The following C16orf74 variants were observed in gnomAD, a reference collection of about 807,000 sequenced individuals.
The protein encoded by C16orf74 is uncharacterized protein C16orf74.
A neutral mutation model predicts 6.5 loss-of-function variants in C16orf74; 10 were observed. That is an observed-to-expected ratio of 1.54 (90% CI 0.95 to 2.61). C16orf74 has a LOEUF of 2.61. Ranked by LOEUF, C16orf74 falls within the 30% of genes most tolerant of loss-of-function variation. The pLI is 0.00. For missense variants in C16orf74, 141 were observed against 105.9 expected (o/e 1.33, Z -1.45); for synonymous variants, 60 against 42.5 (o/e 1.41, Z -1.60).
chr16:85,712,335 T>A (rs768126803), intron 2 of C16orf74, among the ~76,000 whole-genome samples: 2 of 152,212 alleles, frequency 1.3e-5, no homozygotes, highest in Non-Finnish European at 2.9e-5. Flanking sequence ...AGGTTTGATG[T>A]TTAAGCCACA....
At chr16:85,750,239 T>C (rs909251909) in intron 1 of C16orf74, among the ~76,000 whole-genome samples, 1 of 152,204 alleles carries the variant, frequency 6.6e-6, no homozygotes, top group Non-Finnish European at 1.5e-5. Context: ...AGATTTTCCC[T>C]TGATTCCATC....
intron 2 of C16orf74, among the ~76,000 whole-genome samples, chr16:85,731,841 C>T (rs1028783240): frequency 6.6e-6 from 1 of 152,164 alleles, no homozygotes; most frequent in Non-Finnish European, 1.5e-5. Context: ...GCATGAAATG[C>T]CACCATTCCC....
chr16:85,707,715 C>A lies in C16orf74; in HGVS notation c.*293G>T, dbSNP rs928449193. On this transcript the variant is annotated 3_prime_UTR_variant, in exon 4 of 4. Transcript: ENST00000284245. ...TGTGTTTGTCCAGAAGAGAGCCTCTCCCTGGGACCCCAACAGCCAGGACCA... is the reference window on the plus strand; with the variant it reads ...TGTGTTTGTCCAGAAGAGAGCCTCTACCTGGGACCCCAACAGCCAGGACCA... The A allele has an allele frequency of 6.8e-6, 3 of 443,624 alleles. No individual in the cohort carries two copies. Among genetic ancestry groups the A allele is most frequent in the Non-Finnish European group, 1.2e-5 (3 of 247,406 alleles). The allele number at this position is 443,624 out of a possible 1,614,324, so 27.5% of individuals were successfully genotyped here. A position where few individuals can be genotyped will look rare whatever the true frequency, so the allele number is the denominator to read the frequency against.
chr16:85,720,614 A>T (rs897569303), intron 2 of C16orf74, among the ~76,000 whole-genome samples: 2 of 151,748 alleles, frequency 1.3e-5, no homozygotes, highest in East Asian at 1.9e-4. Context: ...CTCTAAAAAA[A>T]TTTTTTTTTA....
chr16:85,710,254 G>C lies in C16orf74; in HGVS notation c.82C>G (p.Leu28Val), dbSNP rs906204885. The change falls in exon 3 of 4, where the codon CTG becomes GTG. Residue 28 changes from leucine (L) to valine (V), a missense_variant. Transcript: ENST00000284245. ...SSSSHDEAPV[L>V]NDKHLDVPDI... ...GGCACGTCCAGGTGCTTGTCGTTCA[G>C]GACGGGGGCCTCGTCGTGGCTGCTG... 11 of 1,514,612 alleles carry C rather than the reference G, an allele frequency of 7.3e-6. No individual in the cohort carries two copies. The highest frequency in any genetic ancestry group is 8.7e-6 in the Non-Finnish European group (10 of 1,143,116). The allele number at this position is 1,514,612 out of a possible 1,614,324, so 93.8% of individuals were successfully genotyped here.
intron 1 of C16orf74, among the ~76,000 whole-genome samples, chr16:85,750,495 G>C (rs913283854): frequency 1.3e-5 from 2 of 152,156 alleles, no homozygotes; most frequent in African/African-American, 4.8e-5. Context: ...ATAAATAATA[G>C]ATTTGGAAAT....
intron 2 of C16orf74, among the ~76,000 whole-genome samples, chr16:85,717,162 C>A (rs1001448103): frequency 1.3e-5 from 2 of 152,234 alleles, no homozygotes; most frequent in Admixed American, 1.3e-4. Context: ...AGAACCCAGG[C>A]CCCTGGAGCT....
intron 2 of C16orf74, among the ~76,000 whole-genome samples, chr16:85,734,070 T>A (rs1439004149): frequency 6.6e-6 from 1 of 152,218 alleles, no homozygotes; most frequent in Non-Finnish European, 1.5e-5. Context: ...ACTTTTCCTG[T>A]GGGCTCCCCT....
At chr16:85,739,942 G>T (rs1359576254) in intron 1 of C16orf74, among the ~76,000 whole-genome samples, 3 of 152,006 alleles carry the variant, frequency 2.0e-5, no homozygotes, top group African/African-American at 7.3e-5. Flanking sequence ...GGGCGCAGTG[G>T]CTCATGCCTG....
At position 85,732,665 on chromosome 16, in the gene C16orf74, C is replaced by CAAAAAA. The variant is rs66539936; in HGVS notation, c.28+2519_28+2524dup. Among the ~76,000 whole-genome samples the CAAAAAA allele has an allele frequency of 5.6e-3, 245 of 43,848 alleles. 6 individuals are homozygous for CAAAAAA. Among genetic ancestry groups the CAAAAAA allele is most frequent in the African/African-American group, 0.011 (157 of 14,020 alleles). The allele number at this position is 43,848 out of a possible 152,430, so 28.8% of individuals were successfully genotyped here. On this transcript the variant is annotated intron_variant, in intron 2 of 3. Transcript: ENST00000284245. ...TGGGTGACAGAGCGAGACTCTGTCT[C>CAAAAAA]AAAAAAAAAAAAAAAAAAAAAAAAG...
chr16:85,713,699 CT>C (rs2053991717), intron 2 of C16orf74, among the ~76,000 whole-genome samples: 2 of 152,226 alleles, frequency 1.3e-5, no homozygotes, highest in Non-Finnish European at 2.9e-5. Flanking sequence ...TTCTGAGGCC[CT>C]GGGGGCGAGG....
At chr16:85,750,873 G>A (rs937190972) in intron 1 of C16orf74, 53 bp downstream of exon 1, 1 of 151,880 alleles carries the variant, frequency 6.6e-6, no homozygotes, top group Non-Finnish European at 1.5e-5. Context: ...GTTGCTCGGG[G>A]AAGGCGGGCG....
intron 2 of C16orf74, among the ~76,000 whole-genome samples, chr16:85,724,441 C>T (rs2054112823): frequency 6.6e-6 from 1 of 152,206 alleles, no homozygotes; most frequent in Non-Finnish European, 1.5e-5. Flanking sequence ...AGGGATCCAG[C>T]TCGGCCATAC....
chr16:85,747,501 A>G (rs1469466877), intron 1 of C16orf74, among the ~76,000 whole-genome samples: 2 of 152,106 alleles, frequency 1.3e-5, no homozygotes, highest in African/African-American at 4.8e-5. Context: ...GGCTACCCAT[A>G]GGGAAACCAT....
chr16:85,736,078 T>C (rs1440739128), intron 1 of C16orf74, among the ~76,000 whole-genome samples: 2 of 151,962 alleles, frequency 1.3e-5, no homozygotes, highest in Non-Finnish European at 2.9e-5. Flanking sequence ...GGGCCTGTAG[T>C]GTGCAGAGAT....
At chr16:85,709,049 A>C (rs563885691) in intron 3 of C16orf74, among the ~76,000 whole-genome samples, 18 of 152,320 alleles carry the variant, frequency 1.2e-4, no homozygotes, top group African/African-American at 3.4e-4. Context: ...AGCCTCTCTC[A>C]ACCTTAGTTT....
chr16:85,716,986 C>T lies in C16orf74; in HGVS notation c.29-6679G>A, dbSNP rs891490123. 3.3e-5 allele frequency among the ~76,000 whole-genome samples: 5 copies of T among 152,318 alleles called. No individual in the cohort carries two copies. In the East Asian group the frequency reaches 9.6e-4, roughly 29 times the overall value. On this transcript the variant is annotated intron_variant, in intron 2 of 3. Coordinates refer to ENST00000284245, the MANE Select transcript of C16orf74 (RefSeq NM_206967.3). ...GGATTCCAGAAGGAAGGGAGCAGAT[C>T]CCAGGGACCCAGGCCCGTCCCAAGG...
rs150972808 is a variant in C16orf74 at position 85,749,470 on chromosome 16, G to T, written c.-19+1456C>A. 4.2e-3 allele frequency among the ~76,000 whole-genome samples: 640 copies of T among 151,468 alleles called. 2 individuals carry two copies. The highest frequency in any genetic ancestry group is 7.8e-3 in the Non-Finnish European group (530 of 67,792). On this transcript the variant is annotated intron_variant, in intron 1 of 3. Transcript: ENST00000284245. ...GCTCATTAAAAAATTTTTAGTAGCT[G>T]GGGGGACTCACTGTGTTGCCCAGGC...
intron 1 of C16orf74, among the ~76,000 whole-genome samples, chr16:85,748,188 A>C (rs1353013602): frequency 6.6e-6 from 1 of 151,360 alleles, no homozygotes; most frequent in Non-Finnish European, 1.5e-5. Flanking sequence ...ACACATACAT[A>C]CATTGGTTTC....
Sources: gnomAD v4.1 joint callset for allele counts (sites outside exome capture counted in the v4.1 genomes callset) on GRCh38, gnomAD v4.1.1 for gene constraint, MANE v1.5 for transcripts, NCBI Gene and HGNC (gene_info 2026-07-23, HGNC 2026-07-21) for gene names.